Variants in WWC2 observed in about 807,000 individuals in gnomAD.
The protein encoded by WWC2 is protein WWC2.
In WWC2, 101 loss-of-function variants were observed where a neutral mutation model predicts 138.5. The ratio of observed to expected loss-of-function variants is 0.73; its 90% CI spans 0.62 to 0.86. The LOEUF is 0.86. WWC2 is among the 40% of genes least tolerant of loss of function. The pLI, the probability that WWC2 is intolerant of heterozygous loss-of-function variation, is 0.00. For synonymous variants in WWC2, 558 were observed against 538.4 expected (o/e 1.04, Z -0.50); for missense variants, 1,420 against 1,419.4 (o/e 1.00, Z -0.01).
intron 2 of WWC2, 148 bp from the exon 3 acceptor site, chr4:183,207,805 A>G (rs1735486457): frequency 3.0e-6 from 2 of 666,764 alleles, no homozygotes; most frequent in Non-Finnish European, 4.8e-6. Flanking sequence ...GGTAAAATAA[A>G]ACTAAAATTT....
intron 11 of WWC2, among the ~76,000 whole-genome samples, chr4:183,261,886 CT>C (rs1737341407): frequency 6.6e-6 from 1 of 152,096 alleles, no homozygotes; most frequent in Non-Finnish European, 1.5e-5. Flanking sequence ...AAAAGTTGGC[CT>C]AAAACAGATT....
rs140939046 is a variant in WWC2, at chr4:183,241,814, G to A, written c.602+1552G>A. On this transcript the variant is annotated intron_variant, in intron 5 of 22. Transcript: ENST00000403733. ...GGAGAGAAAACAGAGTTTGAAGAGTGCCGTAACGTGTTTAGCCATATGTTC... is the reference window on the plus strand; with the variant it reads ...GGAGAGAAAACAGAGTTTGAAGAGTACCGTAACGTGTTTAGCCATATGTTC... Among the ~76,000 whole-genome samples the A allele has an allele frequency of 3.9e-3, 594 of 152,294 alleles. 3 individuals are homozygous for A. The highest frequency in any genetic ancestry group is 0.014 in the African/African-American group (569 of 41,554).
chr4:183,199,086 C>T (rs759022787), intron 2 of WWC2, among the ~76,000 whole-genome samples: 11 of 152,072 alleles, frequency 7.2e-5, no homozygotes, highest in Non-Finnish European at 1.5e-4. Flanking sequence ...AAAGAGATGA[C>T]TGAGTTAACC....
At chr4:183,238,340 C>T (rs901997545) in intron 4 of WWC2, among the ~76,000 whole-genome samples, 4 of 152,162 alleles carry the variant, frequency 2.6e-5, no homozygotes, top group Non-Finnish European at 1.5e-5. Flanking sequence ...CTGGCTCTTG[C>T]CCACATGCCA....
Position 183,314,582 on chromosome 4 carries a change from G to C in WWC2, c.3513-1081G>C, listed in dbSNP as rs370541311. On this transcript the variant is annotated intron_variant, in intron 22 of 22. Transcript: ENST00000403733. ...ACCACCCCAGCTGCTTGTTTCACCT[G>C]GAATCAGGAGCCCGATGGTCCCTGG... 3.2e-4 allele frequency among the ~76,000 whole-genome samples: 49 copies of C among 152,296 alleles called. 1 individual carries two copies. The highest frequency in any genetic ancestry group is 1.2e-3 in the African/African-American group (48 of 41,552).
intron 17 of WWC2, among the ~76,000 whole-genome samples, chr4:183,281,844 A>C (rs1345211649): frequency 1.3e-5 from 2 of 152,222 alleles, no homozygotes; most frequent in Non-Finnish European, 2.9e-5. Context: ...TTTAAATAGT[A>C]ATTCTCATAT....
chr4:183,269,302 T>C, intron 15 of WWC2, 139 bp downstream of exon 15: 1 of 845,998 alleles, frequency 1.2e-6, no homozygotes, highest in Non-Finnish European at 1.9e-6. Flanking sequence ...TAGTGTTTGT[T>C]CATTTTTTTC....
At chr4:183,225,863 T>TA (rs922110860) in intron 4 of WWC2, among the ~76,000 whole-genome samples, 6 of 152,280 alleles carry the variant, frequency 3.9e-5, no homozygotes, top group Admixed American at 3.3e-4. Context: ...ACAACTAAGT[T>TA]AATAAGCTTG....
At chr4:183,169,900 C>A (rs1219704473) in intron 1 of WWC2, among the ~76,000 whole-genome samples, 1 of 152,170 alleles carries the variant, frequency 6.6e-6, no homozygotes, top group East Asian at 1.9e-4. Flanking sequence ...CGATTTCTAG[C>A]TAGCTTTAAT....
intron 1 of WWC2, among the ~76,000 whole-genome samples, chr4:183,121,462 G>A (rs903815755): frequency 6.6e-5 from 10 of 151,776 alleles, no homozygotes; most frequent in South Asian, 2.1e-4. Context: ...GTGTTATGTC[G>A]GCATTCAGAA....
chr4:183,205,542 C>T (rs937194472), intron 2 of WWC2, among the ~76,000 whole-genome samples: 3 of 152,118 alleles, frequency 2.0e-5, no homozygotes, highest in Admixed American at 6.5e-5. Flanking sequence ...GGATGCTAGA[C>T]ATTATAAAGT....
At position 183,317,935 on chromosome 4, in the gene WWC2, C is replaced by G. The variant is rs972341278; in HGVS notation, c.*2206C>G. 1 of 152,040 alleles carries G rather than the reference C, an allele frequency of 6.6e-6. No homozygotes were observed. Among genetic ancestry groups the G allele is most frequent in the Admixed American group, 6.5e-5 (1 of 15,270 alleles). 9.4% of individuals were successfully genotyped at this position (152,040 alleles called of 1,614,324 possible). ...GAGATGAACTTATTTTAATATAATC[C>G]TTTTTCTACACTTTAAAAGTCAGCA... On this transcript the variant is annotated 3_prime_UTR_variant, in exon 23 of 23. Transcript: ENST00000403733.
chr4:183,288,304 A>G (rs956654777), intron 20 of WWC2, among the ~76,000 whole-genome samples: 2 of 152,160 alleles, frequency 1.3e-5, no homozygotes, highest in African/African-American at 4.8e-5. Context: ...CACTACCATT[A>G]TTTTAGATCT....
chr4:183,184,212 A>G (rs1236433529), intron 1 of WWC2, among the ~76,000 whole-genome samples: 1 of 152,164 alleles, frequency 6.6e-6, no homozygotes, highest in Admixed American at 6.5e-5. Flanking sequence ...GCTATTTCAT[A>G]TAGTGGAATC....
At chr4:183,302,830 G>A (rs375466845) in intron 21 of WWC2, among the ~76,000 whole-genome samples, 1 of 152,148 alleles carries the variant, frequency 6.6e-6, no homozygotes, top group African/African-American at 2.4e-5. Flanking sequence ...GTGTGAGGCC[G>A]AGACGGGTAG....
chr4:183,292,090 GAA>G (rs1210113916), intron 21 of WWC2, among the ~76,000 whole-genome samples: 9 of 151,872 alleles, frequency 5.9e-5, no homozygotes, highest in South Asian at 2.1e-4. Context: ...CAATTACTTG[GAA>G]GGCTGAGGTG....
At chr4:183,173,138 AG>A (rs1734342127) in intron 1 of WWC2, among the ~76,000 whole-genome samples, 1 of 151,672 alleles carries the variant, frequency 6.6e-6, no homozygotes, top group Non-Finnish European at 1.5e-5. Flanking sequence ...TTGACCTCCT[AG>A]GTTCAAGTGA....
Position 183,289,577 on chromosome 4 carries a change from C to T in WWC2, c.3326C>T (p.Pro1109Leu). The T allele has an allele frequency of 6.2e-7, 1 of 1,613,936 alleles. No homozygotes were observed. Residue 1109 changes from proline to leucine, a missense_variant, in exon 21 of 23, where the codon CCA (proline) becomes CTA (leucine). By Grantham distance (98) the Pro-to-Leu change is moderately conservative. Coordinates refer to ENST00000403733, the MANE Select transcript of WWC2 (RefSeq NM_024949.6). ...ELKAQGETDL[P>L]PGVLEDERFQ... Reference sequence around the variant, plus strand: ...AAAGCTCAGGGAGAGACTGACCTTCCACCAGGCGTGCTGGAGGATGAGAGG... The same window carrying T: ...AAAGCTCAGGGAGAGACTGACCTTCTACCAGGCGTGCTGGAGGATGAGAGG...
At chr4:183,255,891 T>TTTTTTTTTTTA in intron 9 of WWC2, among the ~76,000 whole-genome samples, 1 of 151,472 alleles carries the variant, frequency 6.6e-6, no homozygotes, top group African/African-American at 2.4e-5. Flanking sequence ...TTTTTTTTTT[T>TTTTTTTTTTTA]AACGAACAGC....
Sources: gnomAD v4.1 joint callset for allele counts (sites outside exome capture counted in the v4.1 genomes callset) on GRCh38, gnomAD v4.1.1 for gene constraint, MANE v1.5 for transcripts, NCBI Gene and HGNC (gene_info 2026-07-23, HGNC 2026-07-21) for gene names.